The following MIOS variants were observed in gnomAD, a reference collection of about 807,000 sequenced individuals.
The protein encoded by MIOS is meiosis regulator for oocyte development.
In MIOS, 52 loss-of-function variants were observed where a neutral mutation model predicts 96.9. The observed-to-expected ratio is 0.54, with a 90% CI of 0.43 to 0.68. MIOS has a LOEUF of 0.68. Ranked by LOEUF, MIOS falls within the 30% of genes least tolerant of loss-of-function variation. The pLI is 0.00. For synonymous variants in MIOS, 397 were observed against 359.5 expected (o/e 1.10, Z -1.18); for missense variants, 1,005 against 1,052.8 (o/e 0.95, Z 0.63).
At chr7:7,577,951 A>G (rs947791967) in intron 5 of MIOS, among the ~76,000 whole-genome samples, 1 of 152,196 alleles carries the variant, frequency 6.6e-6, no homozygotes, top group Non-Finnish European at 1.5e-5. Flanking sequence ...TTGGGATCTT[A>G]TTTGGATAGA....
In MIOS at chr7:7,589,566, C is replaced by T. The variant is rs1490426568; in HGVS notation, c.2043+3C>T. On this transcript the variant is annotated splice_donor_region_variant and intron_variant, in intron 9 of 12. Transcript: ENST00000340080. ...CAGCAAGTTACTGTATGTTACAGGTCAGTGCAGTTTGACAGCAGCTTTTAA... is the reference window on the plus strand; with the variant it reads ...CAGCAAGTTACTGTATGTTACAGGTTAGTGCAGTTTGACAGCAGCTTTTAA... 1.3e-6 allele frequency: 2 copies of T among 1,591,246 alleles called. No homozygotes were observed. The highest frequency in any genetic ancestry group is 1.7e-6 in the Non-Finnish European group (2 of 1,167,822).
intron 12 of MIOS, 117 bp downstream of exon 12, chr7:7,606,188 A>G (rs1784525829): frequency 7.6e-6 from 10 of 1,317,546 alleles, no homozygotes; most frequent in Non-Finnish European, 1.0e-5. Flanking sequence ...TTTATTTTTT[A>G]CTGTCACTCA....
intron 5 of MIOS, among the ~76,000 whole-genome samples, chr7:7,577,412 T>G (rs1783571544): frequency 6.6e-6 from 1 of 152,064 alleles, no homozygotes; most frequent in South Asian, 2.1e-4. Context: ...TTATAAATAC[T>G]TTTTTTGAAG....
intron 5 of MIOS, among the ~76,000 whole-genome samples, chr7:7,575,188 G>C (rs1337063666): frequency 1.3e-5 from 2 of 152,118 alleles, no homozygotes; most frequent in African/African-American, 4.8e-5. Flanking sequence ...TCAAAGAGCA[G>C]TAATAGAAGT....
intron 11 of MIOS, among the ~76,000 whole-genome samples, chr7:7,597,048 C>T (rs910639528): frequency 5.6e-4 from 85 of 152,066 alleles, no homozygotes; most frequent in East Asian, 2.7e-3. Flanking sequence ...TTTTTTTGGC[C>T]GGACATGGTG....
chr7:7,601,335 A>G (rs1460729717), intron 11 of MIOS, among the ~76,000 whole-genome samples: 1 of 152,082 alleles, frequency 6.6e-6, no homozygotes, highest in Non-Finnish European at 1.5e-5. Context: ...CAAGACTAAT[A>G]AAGAAGAAAA....
At chr7:7,574,307 A>AT (rs550892763) in intron 5 of MIOS, 111 bp downstream of exon 5, 64 of 759,136 alleles carry the variant, frequency 8.4e-5, no homozygotes, top group African/African-American at 7.1e-4. Flanking sequence ...CATGTACATA[A>AT]TTTTTTTTGT....
chr7:7,599,572 C>T (rs759457374), intron 11 of MIOS, among the ~76,000 whole-genome samples: 2 of 151,976 alleles, frequency 1.3e-5, no homozygotes, highest in Non-Finnish European at 2.9e-5. Flanking sequence ...GGTTGCAGAC[C>T]AAGTGTAAAA....
chr7:7,605,923 T>A lies in MIOS; in HGVS notation c.2402-19T>A, dbSNP rs1046472147. On this transcript the variant is annotated intron_variant, in intron 11 of 12. Coordinates refer to ENST00000340080, the MANE Select transcript of MIOS (RefSeq NM_019005.4). The stretch of plus-strand genomic sequence containing the variant: ...AATATTATGATATAGTTAATGAAGA[T>A]CATTTTATTTTGTCATAGGAGGAAC... 2 of 1,606,890 alleles carry A rather than the reference T, an allele frequency of 1.2e-6. No homozygotes were observed. The highest frequency in any genetic ancestry group is 1.7e-6 in the Non-Finnish European group (2 of 1,174,994).
Position 7,589,486 on chromosome 7 carries a change from A to G in MIOS, c.1966A>G (p.Lys656Glu), listed in dbSNP as rs201263722. Residue 656 changes from lysine to glutamate, a missense_variant, in exon 9 of 13, where the codon AAA becomes GAA. By Grantham distance (56) the Lys-to-Glu change is moderately conservative (BLOSUM62 1). Coordinates refer to ENST00000340080, the MANE Select transcript of MIOS (RefSeq NM_019005.4). ...AGGAATTTTGCTTACAGGCCTTACT[A>G]AAGATGGAGTGGACTTAATGGAGAG... ...LEGILLTGLT[K>E]DGVDLMESYV... The G allele has an allele frequency of 8.5e-5, 137 of 1,613,642 alleles. No homozygotes were observed. Among genetic ancestry groups the G allele is most frequent in the Middle Eastern group, 3.3e-4 (2 of 6,080 alleles).
At chr7:7,587,980 C>G (rs1007757429) in intron 7 of MIOS, among the ~76,000 whole-genome samples, 1 of 152,102 alleles carries the variant, frequency 6.6e-6, no homozygotes, top group African/African-American at 2.4e-5. Context: ...TATATAACAA[C>G]TTTAGCCACA....
Position 7,573,696 on chromosome 7 carries a change from G to A in MIOS, c.1221G>A (p.Glu407=), listed in dbSNP as rs778971268. The change falls in exon 4 of 13, where the codon GAG becomes GAA. Residue 407 remains glutamate, a synonymous_variant. Transcript: ENST00000340080. This position sits in a 1 kb window ranked among gnomAD's most constrained non-coding sequence, Gnocchi z 5.0. ...RALSRYGLDT[E]QVWRNHILAG... ...TATCAAGGTATGGACTTGATACAGA[G>A]CAGGTGTGGAGGAACCACATTTTAG... 3.7e-6 allele frequency: 6 copies of A among 1,613,686 alleles called. No homozygotes were observed. The African/African-American group carries it at 4.0e-5, about 11-fold the overall frequency.
At chr7:7,599,702 A>T (rs1187807639) in intron 11 of MIOS, among the ~76,000 whole-genome samples, 3 of 152,172 alleles carry the variant, frequency 2.0e-5, no homozygotes, top group African/African-American at 7.2e-5. Flanking sequence ...ACAGTAGGAA[A>T]ATTAGGGAGA....
chr7:7,575,569 A>G (rs996249638), intron 5 of MIOS, among the ~76,000 whole-genome samples: 4 of 152,178 alleles, frequency 2.6e-5, no homozygotes, highest in East Asian at 1.9e-4. Flanking sequence ...GCCATTGCCT[A>G]TTGCTACAAA....
chr7:7,582,610 T>TTA (rs1225411865), intron 5 of MIOS: 18 of 976,030 alleles, frequency 1.8e-5, no homozygotes, highest in Non-Finnish European at 2.1e-5. Context: ...AAGTCTGTAA[T>TTA]CTTGTTTTTT....
Position 7,595,066 on chromosome 7 carries a change from G to T in MIOS, c.2130G>T (p.Trp710Cys). 1 of 1,613,978 alleles carries T rather than the reference G, an allele frequency of 6.2e-7. No individual in the cohort carries two copies. Among genetic ancestry groups the T allele is most frequent in the Non-Finnish European group, 8.5e-7 (1 of 1,179,954 alleles). The change falls in exon 10 of 13, where the codon TGG (tryptophan) becomes TGT (cysteine). Residue 710 changes from tryptophan (W) to cysteine (C), a missense_variant. Around this residue, in one of 3 missense-constraint regions of MIOS, gnomAD observed 865 missense variants for 887.9 expected, o/e 0.97. Coordinates refer to ENST00000340080, the MANE Select transcript of MIOS (RefSeq NM_019005.4). ...YRNLLDAWRF[W>C]HKRAEFDIHR... is the part of the protein sequence containing the mutation. ...ATTTATTAGATGCCTGGAGGTTTTG[G>T]CATAAACGAGCTGAATTTGATATTC...
intron 6 of MIOS, among the ~76,000 whole-genome samples, chr7:7,583,652 T>TA (rs1339208573): frequency 4.6e-5 from 7 of 152,092 alleles, no homozygotes; most frequent in African/African-American, 1.4e-4. Context: ...TGTTTTCTCT[T>TA]AAAGATAGTT....
chr7:7,594,775 A>G (rs1784154942), intron 9 of MIOS, among the ~76,000 whole-genome samples: 1 of 149,954 alleles, frequency 6.7e-6, no homozygotes, highest in Non-Finnish European at 1.5e-5. Context: ...TAAAGTACAT[A>G]TTTATGTCAT....
At chr7:7,577,565 A>G (rs568964056) in intron 5 of MIOS, among the ~76,000 whole-genome samples, 2 of 152,324 alleles carry the variant, frequency 1.3e-5, no homozygotes, top group East Asian at 1.9e-4. Flanking sequence ...GGAAGCCCAT[A>G]GAGGTTAAAG....
Sources: allele counts gnomAD v4.1 joint callset (sites outside exome capture counted in the v4.1 genomes callset), GRCh38; gene constraint gnomAD v4.1.1; regional missense constraint gnomAD v4.1.1; non-coding constraint Gnocchi (gnomAD v3.1); transcripts MANE v1.5; gene names NCBI Gene and HGNC (gene_info 2026-07-23, HGNC 2026-07-21).